SNX31: variants seen among roughly 807,000 people sequenced by gnomAD.
SNX31 encodes the protein sorting nexin-31.
In SNX31, 58 loss-of-function variants were observed where a neutral mutation model predicts 65.4. That is an observed-to-expected ratio of 0.89 (90% CI 0.72 to 1.10). SNX31 has a LOEUF of 1.10. SNX31 is among the 50% of genes least tolerant of loss of function. The pLI is 0.00. For missense variants in SNX31, 523 were observed against 529.7 expected, an observed-to-expected ratio of 0.99 and a Z score of 0.12; for synonymous variants, 181 against 190.1, an observed-to-expected ratio of 0.95 and a Z score of 0.39.
Position 100,605,652 on chromosome 8 carries a change from G to A in SNX31, c.681+2842C>T, listed in dbSNP as rs145528031. Among the ~76,000 whole-genome samples the A allele has an allele frequency of 8.5e-5, 13 of 152,304 alleles. No individual in the cohort carries two copies. The East Asian group carries it at 2.5e-3, about 29-fold the overall frequency. The stretch of plus-strand genomic sequence containing the variant: ...ACCCAGAGAGAGGATCAGTGTCAGA[G>A]CAAGGGACAGAATTCATTTCTGAAA... On this transcript the variant is annotated intron_variant, in intron 8 of 13. Transcript: ENST00000311812.
chr8:100,613,492 A>G lies in SNX31; in HGVS notation c.433-407T>C, dbSNP rs952369550. On this transcript the variant is annotated intron_variant, in intron 5 of 13. Coordinates refer to ENST00000311812, the MANE Select transcript of SNX31 (RefSeq NM_152628.4). The surrounding 1 kb of genome is among the most constrained non-coding windows in gnomAD (Gnocchi z 5.2). ...ACTAGTTTACCTTCCTGTGGGCTGC[A>G]TTACCAGCTATTTGGAAAAGGATCA... Among the ~76,000 whole-genome samples, 1 of 152,118 alleles carries G rather than the reference A, an allele frequency of 6.6e-6. No individual in the cohort carries two copies. Among genetic ancestry groups the G allele is most frequent in the African/African-American group, 2.4e-5 (1 of 41,414 alleles).
rs908064607 is a variant in SNX31 at position 100,625,394 on chromosome 8, C to T, written c.321+4933G>A. ...CCACATATGGATTTTCTTGGATGCG[C>T]ACCATGGCTATTAGACATTCCTCTG... On this transcript the variant is annotated intron_variant, in intron 4 of 13. Coordinates refer to ENST00000311812, the MANE Select transcript of SNX31 (RefSeq NM_152628.4). The surrounding 1 kb of genome is among the most constrained non-coding windows in gnomAD (Gnocchi z 4.2). Among the ~76,000 whole-genome samples the T allele has an allele frequency of 5.9e-5, 9 of 151,592 alleles. No individual in the cohort carries two copies. The highest frequency in any genetic ancestry group is 2.2e-4 in the African/African-American group (9 of 41,280).
At chr8:100,644,934 A>AT (rs1265829489) in intron 2 of SNX31, among the ~76,000 whole-genome samples, 10 of 152,234 alleles carry the variant, frequency 6.6e-5, no homozygotes, top group African/African-American at 2.4e-4. Context: ...AAATGCTGGG[A>AT]TTCCAGGTGT....
chr8:100,601,186 G>C (rs1484482482), intron 8 of SNX31, among the ~76,000 whole-genome samples: 3 of 152,164 alleles, frequency 2.0e-5, no homozygotes, highest in Admixed American at 2.0e-4. Context: ...TGTTCTAATT[G>C]CTTCAGAACA....
chr8:100,588,869 T>C lies in SNX31; in HGVS notation c.1089A>G (p.Lys363=). Residue 363 remains lysine (K), a synonymous_variant, in exon 11 of 14, where the codon AAA becomes AAG. Coordinates refer to ENST00000311812, the MANE Select transcript of SNX31 (RefSeq NM_152628.4). This position sits in a 1 kb window ranked among gnomAD's most constrained non-coding sequence, Gnocchi z 4.8. ...SCWQWFVIYT[K]QAFLLSSCLK... ...AAGGTCTGCCCTGAGAACTCACCTG[T>C]TTGGTGTAAATAACAAACCACTGCC... The C allele has an allele frequency of 6.2e-7, 1 of 1,610,796 alleles. No individual in the cohort carries two copies. The highest frequency in any genetic ancestry group is 8.5e-7 in the Non-Finnish European group (1 of 1,177,084).
At chr8:100,657,942 C>T (rs1382161599) in intron 1 of SNX31, 1 of 363,512 alleles carries the variant, frequency 2.8e-6, no homozygotes, top group Non-Finnish European at 5.4e-6. Flanking sequence ...AAATTGGTCA[C>T]CACCTGTGAT....
chr8:100,581,348 T>TATATATATATAG (rs1813532328), intron 12 of SNX31, among the ~76,000 whole-genome samples: 1 of 147,250 alleles, frequency 6.8e-6, no homozygotes, highest in African/African-American at 2.5e-5. Context: ...TATATATATA[T>TATATATATATAG]ATATATATAA....
At position 100,613,005 on chromosome 8, in the gene SNX31, G is replaced by C. The variant is rs375503402; in HGVS notation, c.513C>G (p.Gly171=). 4 of 1,613,808 alleles carry C rather than the reference G, an allele frequency of 2.5e-6. No homozygotes were observed. The African/African-American group carries it at 5.3e-5, about 22-fold the overall frequency. ...TTCCTTCCTTCTTACCAGAGAGCTT[G>C]CCCTCCTTGCCAAACCGAATGAGAA... is the stretch of plus-strand genomic sequence containing the variant. ...GLFLIRFGKE[G]KLSVVKKLAD... Residue 171 remains glycine, a synonymous_variant, in exon 6 of 14, where the codon GGC becomes GGG. Coordinates refer to ENST00000311812, the MANE Select transcript of SNX31 (RefSeq NM_152628.4). This position sits in a 1 kb window ranked among gnomAD's most constrained non-coding sequence, Gnocchi z 5.2.
chr8:100,659,027 A>G (rs910279842), intron 1 of SNX31, among the ~76,000 whole-genome samples: 1 of 152,166 alleles, frequency 6.6e-6, no homozygotes, highest in Non-Finnish European at 1.5e-5. Context: ...AAGCAGGATC[A>G]AGAATTAAGT....
rs112147030 is a variant in SNX31 at position 100,656,753 on chromosome 8, C to T, written c.-58+6389G>A. 6.4e-3 allele frequency among the ~76,000 whole-genome samples: 959 copies of T among 150,326 alleles called. 13 individuals carry two copies. The highest frequency in any genetic ancestry group is 0.021 in the African/African-American group (864 of 40,820). On this transcript the variant is annotated intron_variant, in intron 1 of 5. Coordinates refer to the SNX31 transcript ENST00000520352. ...CAAAAGATAACCATTTAGGCTTTAA[C>T]GATTTGTTGACCCTAAACCACTTTG... is the stretch of plus-strand genomic sequence containing the variant.
chr8:100,617,750 A>G lies in SNX31; in HGVS notation c.322-20T>C. On this transcript the variant is annotated intron_variant, in intron 4 of 13. Coordinates refer to ENST00000311812, the MANE Select transcript of SNX31 (RefSeq NM_152628.4). ...TGTATTCTATAAGCAAAAGAAAAGC[A>G]AAATAAATTTCCACACCTTTTTTTT... is the stretch of plus-strand genomic sequence containing the variant. The G allele has an allele frequency of 2.5e-6, 4 of 1,572,500 alleles. No individual in the cohort carries two copies.
At chr8:100,662,603 A>G (rs1416038808) in intron 1 of SNX31, among the ~76,000 whole-genome samples, 2 of 152,240 alleles carry the variant, frequency 1.3e-5, no homozygotes, top group Non-Finnish European at 2.9e-5. Flanking sequence ...AGGCTGAGGC[A>G]GGAGAATACC....
chr8:100,627,105 G>C (rs1818091313), intron 4 of SNX31, among the ~76,000 whole-genome samples: 1 of 152,190 alleles, frequency 6.6e-6, no homozygotes, highest in Non-Finnish European at 1.5e-5. Flanking sequence ...TGTAATCCCA[G>C]CACTTTGGGA....
Position 100,573,634 on chromosome 8 carries a change from A to C in SNX31, c.*231T>G. 3.0e-6 allele frequency: 1 copy of C among 330,626 alleles called. No individual in the cohort carries two copies. The highest frequency in any genetic ancestry group is 5.4e-6 in the Non-Finnish European group (1 of 183,652). The allele number at this position is 330,626 out of a possible 1,614,324, so 20.5% of individuals were successfully genotyped here. A position where few individuals can be genotyped will look rare whatever the true frequency, so the allele number is the denominator to read the frequency against. ...TCTATACTGTCATGACGAAGTGCAA[A>C]AATAAAATAAAAACTAACTCTATAA... On this transcript the variant is annotated 3_prime_UTR_variant, in exon 14 of 14. Coordinates refer to ENST00000311812, the MANE Select transcript of SNX31 (RefSeq NM_152628.4).
At chr8:100,621,093 G>A (rs1817651008) in intron 4 of SNX31, among the ~76,000 whole-genome samples, 1 of 152,152 alleles carries the variant, frequency 6.6e-6, no homozygotes, top group Non-Finnish European at 1.5e-5. Flanking sequence ...GCAGTAAGCT[G>A]AGATTGCACC....
At chr8:100,646,256 T>C (rs1819629430) in intron 2 of SNX31, among the ~76,000 whole-genome samples, 1 of 152,078 alleles carries the variant, frequency 6.6e-6, no homozygotes, top group Admixed American at 6.5e-5. Flanking sequence ...ATCTTGAGAT[T>C]ACAGAAAAAA....
intron 10 of SNX31, among the ~76,000 whole-genome samples, chr8:100,589,855 T>C (rs752965001): frequency 1.3e-5 from 2 of 152,196 alleles, no homozygotes; most frequent in Admixed American, 6.5e-5. Flanking sequence ...TCTTCCACTG[T>C]TGGCTATTTA....
At chr8:100,637,665 A>G (rs1818874668) in intron 2 of SNX31, among the ~76,000 whole-genome samples, 1 of 152,088 alleles carries the variant, frequency 6.6e-6, no homozygotes, top group Non-Finnish European at 1.5e-5. Flanking sequence ...GTCTATTCCT[A>G]ACACAGCATC....
intron 3 of SNX31, among the ~76,000 whole-genome samples, chr8:100,635,474 C>T (rs1192983048): frequency 6.6e-6 from 1 of 150,644 alleles, no homozygotes; most frequent in Non-Finnish European, 1.5e-5. Flanking sequence ...CTCCTGGCCT[C>T]AAGTGATCCT....
Sources: allele counts gnomAD v4.1 joint callset (sites outside exome capture counted in the v4.1 genomes callset), GRCh38; gene constraint gnomAD v4.1.1; non-coding constraint Gnocchi (gnomAD v3.1); transcripts MANE v1.5; gene names NCBI Gene and HGNC (gene_info 2026-07-23, HGNC 2026-07-21).